KCNH7: variants seen among roughly 807,000 people sequenced by gnomAD.
KCNH7 encodes voltage-gated inwardly rectifying potassium channel KCNH7.
A neutral mutation model predicts 120.8 loss-of-function variants in KCNH7; 49 were observed. That is an observed-to-expected ratio of 0.41 (90% CI 0.32 to 0.51). KCNH7 has a LOEUF of 0.51. Among genes scored for constraint, KCNH7 ranks in the 20% least tolerant of loss-of-function variants. The probability of loss-of-function intolerance (pLI) is 0.38; values close to 1 mark genes in which losing one functional copy is unlikely to be tolerated. For missense variants in KCNH7, 1,097 were observed against 1,446.6 expected (o/e 0.76, Z 3.92); for synonymous variants, 547 against 516.1 (o/e 1.06, Z -0.81).
chr2:162,779,193 TTTTG>T (rs968328897), intron 2 of KCNH7, among the ~76,000 whole-genome samples: 26 of 152,004 alleles, frequency 1.7e-4, no homozygotes, highest in South Asian at 4.1e-4. Context: ...TTTTTGTTTT[TTTTG>T]TTTGTTTGTT....
At chr2:162,473,462 G>A (rs1406450912) in intron 6 of KCNH7, among the ~76,000 whole-genome samples, 2 of 152,070 alleles carry the variant, frequency 1.3e-5, no homozygotes, top group African/African-American at 2.4e-5. Context: ...ACTTGTTTGG[G>A]CAGCTTTCTC....
intron 2 of KCNH7, among the ~76,000 whole-genome samples, chr2:162,662,684 T>G (rs1381785800): frequency 6.6e-6 from 1 of 152,178 alleles, no homozygotes; most frequent in African/African-American, 2.4e-5. Flanking sequence ...CCTCCTTTCT[T>G]TGATCTCAGT....
At chr2:162,501,611 G>T (rs1217785586) in intron 6 of KCNH7, among the ~76,000 whole-genome samples, 1 of 152,036 alleles carries the variant, frequency 6.6e-6, no homozygotes, top group African/African-American at 2.4e-5. Flanking sequence ...CCAAGATCAA[G>T]TTGCCAGCCT....
intron 12 of KCNH7, among the ~76,000 whole-genome samples, chr2:162,392,983 C>T (rs1686789076): frequency 1.3e-5 from 2 of 151,830 alleles, no homozygotes; most frequent in Admixed American, 1.3e-4. Context: ...TTCAATATTC[C>T]AGGTGGCAGA....
Position 162,536,988 on chromosome 2 carries a change from C to A in KCNH7, c.400G>T (p.Asp134Tyr), listed in dbSNP as rs776057004. The A allele has an allele frequency of 4.3e-6, 7 of 1,612,726 alleles. No homozygotes were observed. Residue 134 changes from aspartate to tyrosine, a missense_variant, in exon 3 of 16, where the codon GAT (aspartate) becomes TAT (tyrosine). Physicochemically the swap from Asp to Tyr is radical, Grantham distance 160. This residue lies in a region of KCNH7 where 362 missense variants were observed against 372.2 expected (regional missense o/e 0.97). Transcript: ENST00000332142. The part of the protein sequence containing the change: ...MFIINFEYVT[D>Y]NENAATPERV... ...TCTGGGGTGGCAGCGTTTTCATTAT[C>A]CGTCACATATTCAAAATTAATGATG...
chr2:162,675,106 C>T (rs1209684276), intron 2 of KCNH7, among the ~76,000 whole-genome samples: 1 of 151,356 alleles, frequency 6.6e-6, no homozygotes, highest in African/African-American at 2.4e-5. Flanking sequence ...GAAAAACGAG[C>T]AGATATTTTA....
intron 3 of KCNH7, among the ~76,000 whole-genome samples, chr2:162,523,703 A>G (rs1382063099): frequency 6.6e-6 from 1 of 151,934 alleles, no homozygotes; most frequent in East Asian, 2.0e-4. Flanking sequence ...TTCTTGTGGA[A>G]AAACAAAAAA....
At chr2:162,805,967 T>C (rs954781868) in intron 2 of KCNH7, among the ~76,000 whole-genome samples, 2 of 152,098 alleles carry the variant, frequency 1.3e-5, no homozygotes, top group African/African-American at 4.8e-5. Flanking sequence ...TTACTCTACG[T>C]GAAGTAACTC....
intron 10 of KCNH7, 54 bp downstream of exon 10, chr2:162,400,133 CTA>C (rs1274948672): frequency 8.3e-6 from 13 of 1,565,458 alleles, no homozygotes; most frequent in Middle Eastern, 1.7e-4. Context: ...TCATTTTAAA[CTA>C]TGCATTACAA....
At chr2:162,392,847 G>C (rs977633551) in intron 12 of KCNH7, among the ~76,000 whole-genome samples, 8 of 151,766 alleles carry the variant, frequency 5.3e-5, no homozygotes, top group African/African-American at 1.9e-4. Context: ...GATGTCCTTA[G>C]AGGGCTTTGA....
chr2:162,811,615 T>C (rs1684735679), intron 2 of KCNH7, among the ~76,000 whole-genome samples: 1 of 152,128 alleles, frequency 6.6e-6, no homozygotes, highest in African/African-American at 2.4e-5. Flanking sequence ...ATAGGAAACA[T>C]AGGGCTATTC....
chr2:162,693,411 A>G (rs1483117190), intron 2 of KCNH7, among the ~76,000 whole-genome samples: 1 of 152,230 alleles, frequency 6.6e-6, no homozygotes, highest in Non-Finnish European at 1.5e-5. Flanking sequence ...TTTCAACTAC[A>G]GCATGACATT....
At chr2:162,477,530 A>G (rs1689787163) in intron 6 of KCNH7, among the ~76,000 whole-genome samples, 1 of 151,954 alleles carries the variant, frequency 6.6e-6, no homozygotes, top group African/African-American at 2.4e-5. Flanking sequence ...TTATTTATTT[A>G]TTTTCCAGCA....
chr2:162,804,422 A>AT (rs1249196366), intron 2 of KCNH7, among the ~76,000 whole-genome samples: 1 of 152,028 alleles, frequency 6.6e-6, no homozygotes, highest in Non-Finnish European at 1.5e-5. Flanking sequence ...CAGCACTGCT[A>AT]TATACCAACA....
intron 2 of KCNH7, among the ~76,000 whole-genome samples, chr2:162,712,410 A>T (rs1017789398): frequency 2.6e-5 from 4 of 152,148 alleles, no homozygotes; most frequent in Non-Finnish European, 2.9e-5. Context: ...GTGCTCTCCA[A>T]GAGTCCTACT....
At chr2:162,716,635 G>A (rs554873152) in intron 2 of KCNH7, among the ~76,000 whole-genome samples, 14 of 152,096 alleles carry the variant, frequency 9.2e-5, no homozygotes, top group Non-Finnish European at 1.9e-4. Flanking sequence ...TTCTCAATAA[G>A]TGAAGATATC....
intron 2 of KCNH7, chr2:162,796,280 C>G (rs1684143332): frequency 6.6e-6 from 1 of 151,928 alleles, no homozygotes; most frequent in South Asian, 2.1e-4. Flanking sequence ...TCAAAGGTCT[C>G]TTGACAAGAT....
chr2:162,677,360 A>G (rs1685562140), intron 2 of KCNH7, among the ~76,000 whole-genome samples: 1 of 151,440 alleles, frequency 6.6e-6, no homozygotes, highest in African/African-American at 2.4e-5. Context: ...TATCTATTTT[A>G]TCAACAGCCA....
At chr2:162,444,854 A>G (rs1210651851) in intron 7 of KCNH7, among the ~76,000 whole-genome samples, 1 of 152,144 alleles carries the variant, frequency 6.6e-6, no homozygotes, top group East Asian at 1.9e-4. Context: ...CAGCTAATTA[A>G]GAACAGCTGA....
Sources: gnomAD v4.1 joint callset for allele counts (sites outside exome capture counted in the v4.1 genomes callset) on GRCh38, gnomAD v4.1.1 for gene constraint, gnomAD v4.1.1 regional missense constraint, MANE v1.5 for transcripts, NCBI Gene and HGNC (gene_info 2026-07-23, HGNC 2026-07-21) for gene names.